Variants in MKX observed in about 807,000 individuals in gnomAD.
MKX encodes homeobox protein Mohawk.
MKX carries 13 observed loss-of-function variants against 36.0 expected under a neutral mutation model. That is an observed-to-expected ratio of 0.36 (90% CI 0.24 to 0.57). The LOEUF (loss-of-function observed/expected upper bound fraction) is 0.57, where lower values mean the gene tolerates loss of function less well. Among genes scored for constraint, MKX ranks in the 20% least tolerant of loss-of-function variants. MKX has a pLI of 0.79. For synonymous variants in MKX, 176 were observed against 178.3 expected (o/e 0.99, Z 0.10); for missense variants, 458 against 456.4 (o/e 1.00, Z -0.03).
chr10:27,712,399 G>T (rs1272004090), intron 5 of MKX, among the ~76,000 whole-genome samples: 1 of 152,198 alleles, frequency 6.6e-6, no homozygotes, highest in Non-Finnish European at 1.5e-5. Flanking sequence ...ATCTCAGTAA[G>T]TGGTCTGAGC....
At chr10:27,684,343 A>AAC (rs777617950) in intron 5 of MKX, among the ~76,000 whole-genome samples, 20 of 151,370 alleles carry the variant, frequency 1.3e-4, no homozygotes, top group South Asian at 6.3e-4. Flanking sequence ...TATATATACA[A>AAC]ACACACACAC....
intron 5 of MKX, among the ~76,000 whole-genome samples, chr10:27,679,245 A>G (rs1364135821): frequency 6.6e-6 from 1 of 152,220 alleles, no homozygotes; most frequent in East Asian, 1.9e-4. Context: ...CGTTGTGCAC[A>G]TGTACCCTAG....
chr10:27,727,607 C>G (rs7095691), intron 5 of MKX, among the ~76,000 whole-genome samples: 1 of 152,172 alleles, frequency 6.6e-6, no homozygotes, highest in Non-Finnish European at 1.5e-5. Context: ...TTTTATAATT[C>G]TATAGCAATC....
intron 5 of MKX, among the ~76,000 whole-genome samples, chr10:27,680,263 A>G (rs540313120): frequency 8.5e-4 from 130 of 152,178 alleles, no homozygotes; most frequent in African/African-American, 3.0e-3. Flanking sequence ...CCAAGGTTCC[A>G]AAAATCAGCT....
At chr10:27,683,426 C>T (rs536758918) in intron 5 of MKX, among the ~76,000 whole-genome samples, 58 of 152,238 alleles carry the variant, frequency 3.8e-4, no homozygotes, top group Non-Finnish European at 7.5e-4. Context: ...GTACACACTA[C>T]GAGATTCGCA....
Position 27,743,484 on chromosome 10 carries a change from G to A in MKX, c.-69C>T, listed in dbSNP as rs911392745. The A allele has an allele frequency of 7.0e-6, 10 of 1,424,304 alleles. No individual in the cohort carries two copies. Among genetic ancestry groups the A allele is most frequent in the Admixed American group, 6.4e-5 (2 of 31,250 alleles). The allele number at this position is 1,424,304 out of a possible 1,614,324, so 88.2% of individuals were successfully genotyped here. A position where few individuals can be genotyped will look rare whatever the true frequency, so the allele number is the denominator to read the frequency against. On this transcript the variant is annotated 5_prime_UTR_variant, in exon 2 of 7. Coordinates refer to ENST00000419761, the MANE Select transcript of MKX (RefSeq NM_173576.3). ...GGGCTGGGCCGCCGGGAGCTCCGCA[G>A]CGGGGCTCGGCTTCTAGGAGAGGAA...
chr10:27,722,924 T>C (rs751104683), intron 5 of MKX, among the ~76,000 whole-genome samples: 1 of 152,116 alleles, frequency 6.6e-6, no homozygotes, highest in Non-Finnish European at 1.5e-5. Flanking sequence ...TCTGTGTGTG[T>C]TAGGGGGTGG....
intron 5 of MKX, among the ~76,000 whole-genome samples, chr10:27,717,482 T>G (rs1836985818): frequency 6.6e-6 from 1 of 152,194 alleles, no homozygotes; most frequent in Non-Finnish European, 1.5e-5. Flanking sequence ...TTCCTGGCCA[T>G]GTAGGTACCA....
intron 5 of MKX, among the ~76,000 whole-genome samples, chr10:27,716,214 A>G (rs1341427979): frequency 6.6e-6 from 1 of 152,136 alleles, no homozygotes; most frequent in East Asian, 1.9e-4. Context: ...GCACATAGGA[A>G]ATGCTTGATA....
chr10:27,724,891 T>C (rs531371598), intron 5 of MKX, among the ~76,000 whole-genome samples: 1 of 152,244 alleles, frequency 6.6e-6, no homozygotes, highest in East Asian at 1.9e-4. Context: ...AGGTACTGTA[T>C]GGCTATTACA....
chr10:27,727,293 C>T (rs956982072), intron 5 of MKX, among the ~76,000 whole-genome samples: 3 of 152,318 alleles, frequency 2.0e-5, no homozygotes, highest in East Asian at 1.9e-4. Context: ...CGGGCTCTCA[C>T]GTGATACCAA....
intron 5 of MKX, among the ~76,000 whole-genome samples, chr10:27,710,280 T>C (rs990531532): frequency 3.3e-5 from 5 of 152,208 alleles, no homozygotes; most frequent in Non-Finnish European, 5.9e-5. Context: ...AATGAAAAAG[T>C]TGAAGATGAG....
chr10:27,684,392 T>C (rs1836306818), intron 5 of MKX, among the ~76,000 whole-genome samples: 1 of 152,034 alleles, frequency 6.6e-6, no homozygotes, highest in Non-Finnish European at 1.5e-5. Context: ...TTTTCTTTAA[T>C]AAGAAAGTAA....
At chr10:27,690,597 C>T (rs189051224) in intron 5 of MKX, among the ~76,000 whole-genome samples, 4 of 152,230 alleles carry the variant, frequency 2.6e-5, no homozygotes, top group Non-Finnish European at 5.9e-5. Context: ...ATTGTAACAC[C>T]TACTTCGTAC....
At chr10:27,731,432 G>A (rs1834627831) in intron 5 of MKX, among the ~76,000 whole-genome samples, 1 of 152,034 alleles carries the variant, frequency 6.6e-6, no homozygotes, top group South Asian at 2.1e-4. Flanking sequence ...TACATGCCTG[G>A]TAACCCAGCT....
At chr10:27,728,578 A>C (rs1179187968) in intron 5 of MKX, among the ~76,000 whole-genome samples, 1 of 152,212 alleles carries the variant, frequency 6.6e-6, no homozygotes, top group African/African-American at 2.4e-5. Flanking sequence ...TGCACATAGG[A>C]GCAGCACCTC....
chr10:27,728,634 T>C (rs1589689853), intron 5 of MKX, among the ~76,000 whole-genome samples: 1 of 152,328 alleles, frequency 6.6e-6, no homozygotes, highest in Middle Eastern at 3.4e-3. Flanking sequence ...ATTGGTTGTT[T>C]AGAACAGAAT....
chr10:27,731,258 TG>T (rs1292836134), intron 5 of MKX, among the ~76,000 whole-genome samples: 2 of 152,078 alleles, frequency 1.3e-5, no homozygotes, highest in Non-Finnish European at 2.9e-5. Context: ...ACTGTAGCAC[TG>T]GGGGAGGGGG....
chr10:27,692,129 A>G (rs1008384922), intron 5 of MKX, among the ~76,000 whole-genome samples: 1 of 152,214 alleles, frequency 6.6e-6, no homozygotes, highest in Non-Finnish European at 1.5e-5. Context: ...TCTTGATTCT[A>G]ATTAAATATG....
Sources: gnomAD v4.1 joint callset for allele counts (sites outside exome capture counted in the v4.1 genomes callset) on GRCh38, gnomAD v4.1.1 for gene constraint, MANE v1.5 for transcripts, NCBI Gene and HGNC (gene_info 2026-07-23, HGNC 2026-07-21) for gene names.